Variants in FAM184B observed in about 807,000 individuals in gnomAD.
The protein encoded by FAM184B is protein FAM184B.
Under a neutral mutation model 135.9 loss-of-function variants are expected in FAM184B, and 111 were observed. That is an observed-to-expected ratio of 0.82 (90% CI 0.70 to 0.96). FAM184B has a LOEUF of 0.96. FAM184B is among the 40% of genes least tolerant of loss of function. The pLI is 0.00. For synonymous variants in FAM184B, 552 were observed against 524.8 expected (o/e 1.05, Z -0.71); for missense variants, 1,375 against 1,323.9 (o/e 1.04, Z -0.60).
chr4:17,745,888 T>C (rs1718148273), intron 1 of FAM184B, among the ~76,000 whole-genome samples: 1 of 152,196 alleles, frequency 6.6e-6, no homozygotes, highest in African/African-American at 2.4e-5. Flanking sequence ...GATGATTGCA[T>C]ATTTAGATCT....
At chr4:17,779,808 C>T (rs1718999985) in intron 1 of FAM184B, among the ~76,000 whole-genome samples, 1 of 152,210 alleles carries the variant, frequency 6.6e-6, no homozygotes, top group Admixed American at 6.5e-5. Flanking sequence ...GTATAGTCTT[C>T]TAGCTTTCAC....
At chr4:17,711,538 C>T (rs552049986) in intron 1 of FAM184B, among the ~76,000 whole-genome samples, 1 of 152,086 alleles carries the variant, frequency 6.6e-6, no homozygotes, top group South Asian at 2.1e-4. Context: ...TGGCACATTC[C>T]TGTGGTCTCA....
chr4:17,683,864 C>T (rs191067584), intron 7 of FAM184B, among the ~76,000 whole-genome samples: 113 of 151,784 alleles, frequency 7.4e-4, no homozygotes, highest in African/African-American at 2.6e-3. Flanking sequence ...TGGTTTGAGC[C>T]CAGGAGTTTG....
chr4:17,649,140 T>C (rs1156713050), intron 11 of FAM184B, among the ~76,000 whole-genome samples: 1 of 152,200 alleles, frequency 6.6e-6, no homozygotes, highest in African/African-American at 2.4e-5. Context: ...AACATATATT[T>C]GTAAAATAAA....
chr4:17,741,810 A>G (rs1718041696), intron 1 of FAM184B, among the ~76,000 whole-genome samples: 1 of 152,200 alleles, frequency 6.6e-6, no homozygotes, highest in Non-Finnish European at 1.5e-5. Flanking sequence ...CAAAGACCAC[A>G]TTATGTCACT....
In FAM184B at chr4:17,765,502, A is replaced by G. The variant is rs147919122; in HGVS notation, c.141+15657T>C. 1.2e-3 allele frequency among the ~76,000 whole-genome samples: 178 copies of G among 151,794 alleles called. 1 individual carries two copies. Among genetic ancestry groups the G allele is most frequent in the African/African-American group, 4.1e-3 (168 of 41,086 alleles). ...GGATTATCTCAACCTAACTTTCACG[A>G]TCCCTCGTATTGACAATATTTCACA... On this transcript the variant is annotated intron_variant, in intron 1 of 17. Transcript: ENST00000265018.
rs762075937 is a variant in FAM184B, at chr4:17,631,974, G to A, written c.*558C>T. ...ATGTTATGGACACTAGAAATACAAG[G>A]TATGGGTCATTAGTAACGCTAATAA... On this transcript the variant is annotated 3_prime_UTR_variant, in exon 18 of 18. Transcript: ENST00000265018. 1 of 150,388 alleles carries A rather than the reference G, an allele frequency of 6.6e-6. No individual in the cohort carries two copies. The highest frequency in any genetic ancestry group is 1.5e-5 in the Non-Finnish European group (1 of 67,802). The allele number at this position is 150,388 out of a possible 1,614,324, so 9.3% of individuals were successfully genotyped here. A position where few individuals can be genotyped will look rare whatever the true frequency, so the allele number is the denominator to read the frequency against.
intron 1 of FAM184B, among the ~76,000 whole-genome samples, chr4:17,734,526 G>C (rs1299503178): frequency 1.3e-5 from 2 of 152,164 alleles, no homozygotes; most frequent in African/African-American, 4.8e-5. Context: ...CAAAGGATAT[G>C]AACAGACACT....
chr4:17,643,324 C>T (rs571209998), intron 12 of FAM184B, among the ~76,000 whole-genome samples: 1 of 152,190 alleles, frequency 6.6e-6, no homozygotes, highest in South Asian at 2.1e-4. Flanking sequence ...CTGGGCTGTT[C>T]CTCTTTGCCG....
intron 1 of FAM184B, among the ~76,000 whole-genome samples, chr4:17,765,941 A>G (rs543981448): frequency 2.0e-5 from 3 of 152,256 alleles, no homozygotes; most frequent in African/African-American, 7.2e-5. Context: ...CAGCACATCT[A>G]GAATTACTCC....
intron 5 of FAM184B, among the ~76,000 whole-genome samples, chr4:17,701,288 T>C (rs989462083): frequency 6.6e-6 from 1 of 152,248 alleles, no homozygotes; most frequent in Non-Finnish European, 1.5e-5. Flanking sequence ...CAGGGCAATG[T>C]ATATTCTTTT....
chr4:17,735,353 T>C (rs1210077718), intron 1 of FAM184B, among the ~76,000 whole-genome samples: 1 of 151,900 alleles, frequency 6.6e-6, no homozygotes, highest in African/African-American at 2.4e-5. Context: ...AAAATTAAAT[T>C]AAAAAAAGAA....
At chr4:17,638,180 T>TTTTTG (rs377120925) in intron 14 of FAM184B, among the ~76,000 whole-genome samples, 4 of 147,186 alleles carry the variant, frequency 2.7e-5, no homozygotes, top group Non-Finnish European at 5.9e-5. Flanking sequence ...GGGTCTATTT[T>TTTTTG]TTTTGTTTTG....
intron 1 of FAM184B, among the ~76,000 whole-genome samples, chr4:17,715,174 A>G (rs138389939): frequency 6.6e-6 from 1 of 152,092 alleles, no homozygotes; most frequent in African/African-American, 2.4e-5. Flanking sequence ...ATTTCTGTAC[A>G]TAAAGAAATT....
At chr4:17,634,789 GACAC>G (rs1296227701) in intron 16 of FAM184B, among the ~76,000 whole-genome samples, 2 of 151,772 alleles carry the variant, frequency 1.3e-5, no homozygotes, top group Admixed American at 1.3e-4. Context: ...TCTTAATACT[GACAC>G]ACATTTATTC....
intron 15 of FAM184B, 145 bp from the exon 16 acceptor site, chr4:17,635,258 C>G (rs530281896): frequency 1.6e-6 from 1 of 611,642 alleles, no homozygotes; most frequent in Admixed American, 3.2e-5. Context: ...CTGCCAGGCA[C>G]TGAAGCTTTT....
intron 11 of FAM184B, among the ~76,000 whole-genome samples, chr4:17,650,076 C>G (rs1227936410): frequency 8.1e-6 from 1 of 123,036 alleles, no homozygotes; most frequent in Non-Finnish European, 1.8e-5. Flanking sequence ...ATTTGTCTGT[C>G]TGTCCATCCA....
At chr4:17,641,313 TTAAG>T (rs1319294275) in intron 13 of FAM184B, among the ~76,000 whole-genome samples, 3 of 151,966 alleles carry the variant, frequency 2.0e-5, no homozygotes, top group Non-Finnish European at 4.4e-5. Flanking sequence ...ACACAGCTAA[TTAAG>T]AGCGCACAGC....
chr4:17,740,458 A>C (rs1395331727), intron 1 of FAM184B, among the ~76,000 whole-genome samples: 1 of 152,146 alleles, frequency 6.6e-6, no homozygotes, highest in East Asian at 1.9e-4. Context: ...GCATACATAT[A>C]GCAAACATAT....
Sources: gnomAD v4.1 joint callset for allele counts (sites outside exome capture counted in the v4.1 genomes callset) on GRCh38, gnomAD v4.1.1 for gene constraint, MANE v1.5 for transcripts, NCBI Gene and HGNC (gene_info 2026-07-23, HGNC 2026-07-21) for gene names.